Variants in TRAM2 observed in about 807,000 individuals in gnomAD.
The protein encoded by TRAM2 is translocation associated membrane protein 2.
A neutral mutation model predicts 51.0 loss-of-function variants in TRAM2; 12 were observed. The observed-to-expected ratio is 0.24, with a 90% CI of 0.15 to 0.38. The LOEUF (loss-of-function observed/expected upper bound fraction) is 0.38, where lower values mean the gene tolerates loss of function less well. TRAM2 is among the 10% of genes least tolerant of loss of function. The pLI is 1.00. For missense variants in TRAM2, 361 were observed against 462.0 expected, an observed-to-expected ratio of 0.78 and a Z score of 2.00; for synonymous variants, 175 against 179.4, an observed-to-expected ratio of 0.98 and a Z score of 0.20.
intron 2 of TRAM2, among the ~76,000 whole-genome samples, chr6:52,520,421 T>A (rs1251135529): frequency 6.6e-6 from 1 of 152,160 alleles, no homozygotes; most frequent in Non-Finnish European, 1.5e-5. Flanking sequence ...AGTCAGAAGG[T>A]GCCCGTGGGA....
intron 8 of TRAM2, 106 bp from the exon 9 acceptor site, chr6:52,505,848 C>A: frequency 2.0e-6 from 3 of 1,484,476 alleles, no homozygotes; most frequent in Non-Finnish European, 2.7e-6. Context: ...TCAAGGGTGG[C>A]TGGGGAAAGT....
In TRAM2 at chr6:52,532,462, A is replaced by G. The variant is rs1302128686; in HGVS notation, c.184+3321T>C. ...TTTTTTTTAATCCTGTGCATTTTAT[A>G]TTTACAAAACAACTTTAAATTTAGG... On this transcript the variant is annotated intron_variant, in intron 2 of 10. Coordinates refer to ENST00000182527, the MANE Select transcript of TRAM2 (RefSeq NM_012288.4). Among the ~76,000 whole-genome samples the G allele has an allele frequency of 4.6e-5, 7 of 152,118 alleles. 2 individuals are homozygous for G. The highest frequency in any genetic ancestry group is 3.9e-4 in the Admixed American group (6 of 15,272).
intron 1 of TRAM2, among the ~76,000 whole-genome samples, chr6:52,575,403 T>C (rs1016111260): frequency 1.3e-5 from 2 of 151,884 alleles, no homozygotes; most frequent in Non-Finnish European, 2.9e-5. Context: ...GAGAGAGCTG[T>C]GAGAGGGAGA....
intron 1 of TRAM2, among the ~76,000 whole-genome samples, chr6:52,560,269 G>C (rs934527712): frequency 1.3e-5 from 2 of 151,832 alleles, no homozygotes; most frequent in Non-Finnish European, 2.9e-5. Flanking sequence ...AAAAGAGAGA[G>C]AGAGAAACAT....
At chr6:52,576,017 G>C (rs922758760) in intron 1 of TRAM2, among the ~76,000 whole-genome samples, 7 of 152,128 alleles carry the variant, frequency 4.6e-5, no homozygotes, top group African/African-American at 1.7e-4. Context: ...TGCTGTTGGG[G>C]GTGGGATCCC....
At chr6:52,514,802 G>T (rs1297394553) in intron 4 of TRAM2, among the ~76,000 whole-genome samples, 1 of 152,220 alleles carries the variant, frequency 6.6e-6, no homozygotes, top group East Asian at 1.9e-4. Context: ...TGAACTGAAC[G>T]TCAAGGGACT....
intron 2 of TRAM2, among the ~76,000 whole-genome samples, chr6:52,519,843 A>G (rs1766634018): frequency 6.6e-6 from 1 of 152,028 alleles, no homozygotes; most frequent in Admixed American, 6.6e-5. Context: ...GACACATGCT[A>G]CAACATGGGT....
chr6:52,499,159 T>C lies in TRAM2; in HGVS notation c.*4038A>G, dbSNP rs1766152941. ...GGGACAACCTTGAGCTGGAGAGAGA[T>C]CCTATTTAGGTTTTCCAGTCATCTG... is the stretch of plus-strand genomic sequence containing the variant. On this transcript the variant is annotated 3_prime_UTR_variant, in exon 11 of 11. Transcript: ENST00000182527. 6.6e-6 allele frequency: 1 copy of C among 152,038 alleles called. No homozygotes were observed. The highest frequency in any genetic ancestry group is 1.5e-5 in the Non-Finnish European group (1 of 68,028). The allele number at this position is 152,038 out of a possible 1,614,324, so 9.4% of individuals were successfully genotyped here.
chr6:52,559,615 G>A (rs541011059), intron 1 of TRAM2, among the ~76,000 whole-genome samples: 91 of 152,254 alleles, frequency 6.0e-4, no homozygotes, highest in Non-Finnish European at 1.1e-3. Context: ...CAGAAGACAC[G>A]CTTGTTATCT....
intron 3 of TRAM2, 121 bp from the exon 4 acceptor site, chr6:52,516,243 T>C: frequency 4.4e-6 from 4 of 915,844 alleles, no homozygotes; most frequent in Non-Finnish European, 6.8e-6. Context: ...CAGCTGGCCA[T>C]AATCCAAGTC....
At chr6:52,553,755 T>A (rs1380262185) in intron 1 of TRAM2, among the ~76,000 whole-genome samples, 1 of 152,184 alleles carries the variant, frequency 6.6e-6, no homozygotes, top group Non-Finnish European at 1.5e-5. Context: ...AGTTGCTTGG[T>A]GTAGACAGAG....
chr6:52,559,622 A>C (rs1397491180), intron 1 of TRAM2, among the ~76,000 whole-genome samples: 1 of 152,236 alleles, frequency 6.6e-6, no homozygotes, highest in Non-Finnish European at 1.5e-5. Flanking sequence ...CACGCTTGTT[A>C]TCTTTGATTC....
chr6:52,537,670 C>G (rs1766999481), intron 1 of TRAM2, among the ~76,000 whole-genome samples: 4 of 152,172 alleles, frequency 2.6e-5, no homozygotes. Flanking sequence ...CAGGCTCTCA[C>G]CTCCTCCACA....
At position 52,503,420 on chromosome 6, in the gene TRAM2, C is replaced by A. The variant is rs141051892; in HGVS notation, c.1040-150G>T. On this transcript the variant is annotated intron_variant, in intron 10 of 10. Transcript: ENST00000182527. ...AGGGGCGCCAGGCTGCAGCCTTGCA[C>A]AGCAAATGCAAGCCAGCAGACGGCT... The A allele has an allele frequency of 1.4e-3, 1,006 of 709,382 alleles. 6 individuals carry two copies. In the East Asian group the frequency reaches 0.018, roughly 12 times the overall value. 43.9% of individuals were successfully genotyped at this position (709,382 alleles called of 1,614,324 possible). A position where few individuals can be genotyped will look rare whatever the true frequency, so the allele number is the denominator to read the frequency against.
intron 2 of TRAM2, among the ~76,000 whole-genome samples, chr6:52,528,882 A>G (rs113629772): frequency 1.8e-3 from 254 of 139,618 alleles, no homozygotes; most frequent in African/African-American, 6.5e-3. Context: ...AAACGTGTAC[A>G]TGACTTTTTT....
At chr6:52,556,674 T>A (rs1767411801) in intron 1 of TRAM2, among the ~76,000 whole-genome samples, 1 of 151,762 alleles carries the variant, frequency 6.6e-6, no homozygotes, top group Admixed American at 6.6e-5. Context: ...ATGCCTGTAA[T>A]CCCAGCTCTT....
rs1766111043 is a variant in TRAM2 at position 52,497,659 on chromosome 6, G to GGCT, written c.*5535_*5537dup. 1 of 151,968 alleles carries GGCT rather than the reference G, an allele frequency of 6.6e-6. No individual in the cohort carries two copies. The highest frequency in any genetic ancestry group is 1.5e-5 in the Non-Finnish European group (1 of 67,984). 9.4% of individuals were successfully genotyped at this position (151,968 alleles called of 1,614,324 possible). On this transcript the variant is annotated 3_prime_UTR_variant, in exon 11 of 11. Transcript: ENST00000182527. ...TGTTGAAATTTGGTCCATATGAACA[G>GGCT]GCTAGAGTAGAAAACAGACACTTTG... is the stretch of plus-strand genomic sequence containing the variant.
intron 1 of TRAM2, among the ~76,000 whole-genome samples, chr6:52,574,722 G>GAAGTAACAGCTCTTAACAC (rs1767735290): frequency 6.6e-6 from 1 of 152,158 alleles, no homozygotes; most frequent in Non-Finnish European, 1.5e-5. Flanking sequence ...CCAGATACTG[G>GAAGTAACAGCTCTTAACAC]AAGTAACAGC....
chr6:52,555,548 C>T (rs1359977588), intron 1 of TRAM2, among the ~76,000 whole-genome samples: 3 of 152,014 alleles, frequency 2.0e-5, no homozygotes, highest in Admixed American at 6.6e-5. Flanking sequence ...AAAAATAAAA[C>T]ACATCCAAAC....
Sources: allele counts gnomAD v4.1 joint callset (sites outside exome capture counted in the v4.1 genomes callset), GRCh38; gene constraint gnomAD v4.1.1; transcripts MANE v1.5; gene names NCBI Gene and HGNC (gene_info 2026-07-23, HGNC 2026-07-21).